Variants in ARHGEF7 observed in about 807,000 individuals in gnomAD.
ARHGEF7 encodes the protein Rho guanine nucleotide exchange factor 7.
ARHGEF7 carries 33 observed loss-of-function variants against 109.8 expected under a neutral mutation model. That is an observed-to-expected ratio of 0.30 (90% CI 0.23 to 0.40). The LOEUF is 0.40. ARHGEF7 is among the 10% of genes least tolerant of loss of function. ARHGEF7 has a pLI of 1.00. For missense variants in ARHGEF7, 938 were observed against 1,098.5 expected (o/e 0.85, Z 2.07); for synonymous variants, 458 against 424.6 (o/e 1.08, Z -0.97).
Position 111,221,345 on chromosome 13 carries a change from ATATATGTC to A in ARHGEF7, c.670+3471_670+3478del, listed in dbSNP as rs1386793404. Among the ~76,000 whole-genome samples the A allele has an allele frequency of 6.7e-5, 2 of 29,912 alleles. 1 individual carries two copies. The highest frequency in any genetic ancestry group is 2.3e-4 in the African/African-American group (2 of 8,614). 19.6% of individuals were successfully genotyped at this position (29,912 alleles called of 152,430 possible). A position where few individuals can be genotyped will look rare whatever the true frequency, so the allele number is the denominator to read the frequency against. On this transcript the variant is annotated intron_variant, in intron 5 of 21. Transcript: ENST00000646102. ...GATATATATGTCTATATATATCTAT[ATATATGTC>A]TATATATATATCTATATATATATCT...
intron 2 of ARHGEF7, among the ~76,000 whole-genome samples, chr13:111,168,504 T>G (rs1743671339): frequency 6.6e-6 from 1 of 152,176 alleles, no homozygotes; most frequent in Admixed American, 6.5e-5. Context: ...CTTGGAATAT[T>G]AACAGGGAAA....
In ARHGEF7 at chr13:111,239,867, T is replaced by C. The variant is rs1039689434; in HGVS notation, c.760-4005T>C. 1.3e-5 allele frequency among the ~76,000 whole-genome samples: 2 copies of C among 152,070 alleles called. No individual in the cohort carries two copies. The highest frequency in any genetic ancestry group is 4.8e-5 in the African/African-American group (2 of 41,394). On this transcript the variant is annotated intron_variant, in intron 6 of 21. Coordinates refer to ENST00000646102, the MANE Select transcript of ARHGEF7 (RefSeq NM_001354046.2). This position sits in a 1 kb window ranked among gnomAD's most constrained non-coding sequence, Gnocchi z 4.3. ...AGAGGAGCTCAGTGTTTGGGAGGATTGAGTGACTTAATTGCAAGAAAGGCT... is the reference window on the plus strand; with the variant it reads ...AGAGGAGCTCAGTGTTTGGGAGGATCGAGTGACTTAATTGCAAGAAAGGCT...
In ARHGEF7 at chr13:111,303,259, T is replaced by G. The variant is rs1377612620; in HGVS notation, c.*146T>G. 3 of 744,388 alleles carry G rather than the reference T, an allele frequency of 4.0e-6. No homozygotes were observed. The highest frequency in any genetic ancestry group is 3.5e-5 in the African/African-American group (2 of 56,442). The allele number at this position is 744,388 out of a possible 1,614,324, so 46.1% of individuals were successfully genotyped here. On this transcript the variant is annotated 3_prime_UTR_variant, in exon 22 of 22. Transcript: ENST00000646102. ...CTGTATATAGAAAAGCTGGAGCTTA[T>G]TCTGCGAATGGAGACGATCAAACCA...
At chr13:111,242,076 T>G (rs1189949631) in intron 6 of ARHGEF7, among the ~76,000 whole-genome samples, 1 of 152,094 alleles carries the variant, frequency 6.6e-6, no homozygotes, top group Non-Finnish European at 1.5e-5. Context: ...AGGAAGACAT[T>G]GTGGTTGTGG....
In ARHGEF7 at chr13:111,219,376, G is replaced by A. The variant is rs141912875; in HGVS notation, c.670+1496G>A. Among the ~76,000 whole-genome samples the A allele has an allele frequency of 5.8e-3, 881 of 152,306 alleles. 9 individuals are homozygous for A. Among genetic ancestry groups the A allele is most frequent in the African/African-American group, 0.02 (835 of 41,570 alleles). On this transcript the variant is annotated intron_variant, in intron 5 of 21. Transcript: ENST00000646102. Reference sequence around the variant, plus strand: ...CTGAATAATATTTCATCATATGTATGTACAACATTGTGTGTTGATGGGAAC... The same window carrying A: ...CTGAATAATATTTCATCATATGTATATACAACATTGTGTGTTGATGGGAAC...
chr13:111,157,912 T>A (rs751417043), intron 2 of ARHGEF7, among the ~76,000 whole-genome samples: 3 of 152,206 alleles, frequency 2.0e-5, no homozygotes, highest in Non-Finnish European at 2.9e-5. Flanking sequence ...GCAGGTGAAA[T>A]GTAACTGGCA....
intron 10 of ARHGEF7, 42 bp from the exon 11 acceptor site, chr13:111,274,689 T>A (rs1251222881): frequency 1.6e-6 from 2 of 1,286,904 alleles, no homozygotes; most frequent in Non-Finnish European, 2.1e-6. Flanking sequence ...TAAGAAAAGC[T>A]TTTCCTTATG....
At chr13:111,291,098 C>T (rs979692226) in intron 18 of ARHGEF7, among the ~76,000 whole-genome samples, 1 of 152,224 alleles carries the variant, frequency 6.6e-6, no homozygotes, top group African/African-American at 2.4e-5. Flanking sequence ...ATGTAGTTCT[C>T]GCAGTCTGAG....
chr13:111,190,055 C>T (rs1418918721), intron 2 of ARHGEF7, among the ~76,000 whole-genome samples: 1 of 152,110 alleles, frequency 6.6e-6, no homozygotes, highest in Admixed American at 6.5e-5. Context: ...TAGTGTCCTC[C>T]AGAGGAGAAC....
rs902789622 is a variant in ARHGEF7 at position 111,255,243 on chromosome 13, C to T, written c.950+10949C>T. 6.6e-6 allele frequency among the ~76,000 whole-genome samples: 1 copy of T among 152,228 alleles called. No individual in the cohort carries two copies. Among genetic ancestry groups the T allele is most frequent in the African/African-American group, 2.4e-5 (1 of 41,462 alleles). ...AGGCGCTGAGTTCCGTTTGGGGTTG[C>T]TGTGCATTTCAGTTGGAGATGTCAC... On this transcript the variant is annotated intron_variant, in intron 8 of 21. Transcript: ENST00000646102. The surrounding 1 kb of genome is among the most constrained non-coding windows in gnomAD (Gnocchi z 4.1).
chr13:111,175,384 C>T (rs1056721218), intron 2 of ARHGEF7, among the ~76,000 whole-genome samples: 11 of 152,204 alleles, frequency 7.2e-5, no homozygotes, highest in Admixed American at 1.3e-4. Context: ...GGTGAGAGAG[C>T]AGGGCTGCCC....
chr13:111,118,924 G>C (rs7337280), intron 1 of ARHGEF7, among the ~76,000 whole-genome samples: 1,689 of 152,260 alleles, frequency 0.011, 27 homozygotes, highest in African/African-American at 0.039. Flanking sequence ...CCCTGGCTAG[G>C]TGTTTGTGGA....
chr13:111,290,429 T>G (rs1328930252), intron 18 of ARHGEF7, among the ~76,000 whole-genome samples: 2 of 152,240 alleles, frequency 1.3e-5, no homozygotes, highest in East Asian at 3.8e-4. Flanking sequence ...TGGGAGGTTG[T>G]GTGTAGGTAC....
At chr13:111,163,531 G>T (rs957259054) in intron 2 of ARHGEF7, among the ~76,000 whole-genome samples, 6 of 152,062 alleles carry the variant, frequency 3.9e-5, no homozygotes, top group South Asian at 2.1e-4. Context: ...GTGAAGCAAA[G>T]TTAATTTTAG....
Position 111,115,624 on chromosome 13 carries a change from C to T in ARHGEF7, c.98C>T (p.Ala33Val), listed in dbSNP as rs374413130. 470 of 1,402,456 alleles carry T rather than the reference C, an allele frequency of 3.4e-4. No individual in the cohort carries two copies. Among genetic ancestry groups the T allele is most frequent in the South Asian group, 2.1e-3 (152 of 71,244 alleles). 86.9% of individuals were successfully genotyped at this position (1,402,456 alleles called of 1,614,324 possible). ...TCGGACCCGGAGGGCTTTCTGCAGG[C>T]GTCGCTGAAGGATGGGGTGGTCCTC... ...TISDPEGFLQASLKDGVVLCR... is the reference protein window; with the variant it reads ...TISDPEGFLQVSLKDGVVLCR... The change falls in exon 1 of 22, where the codon GCG (alanine) becomes GTG (valine). Residue 33 changes from alanine to valine, a missense_variant. Ala to Val is a moderately conservative substitution (Grantham distance 64, BLOSUM62 0). Coordinates refer to ENST00000646102, the MANE Select transcript of ARHGEF7 (RefSeq NM_001354046.2).
upstream of ARHGEF7, chr13:111,115,203 GCGGCGCGGGC>G (rs2066652256): frequency 6.8e-6 from 1 of 146,834 alleles, no homozygotes; most frequent in Non-Finnish European, 1.5e-5. Context: ...AGGGCGCGGG[GCGGCGCGGGC>G]CGGGCGCGGG....
chr13:111,280,132 G>T, intron 13 of ARHGEF7, 140 bp from the exon 14 acceptor site: 1 of 797,748 alleles, frequency 1.3e-6, no homozygotes, highest in Non-Finnish European at 2.0e-6. Context: ...ACACACATCT[G>T]CTACAAATGA....
intron 8 of ARHGEF7, among the ~76,000 whole-genome samples, chr13:111,253,823 C>T (rs568188580): frequency 3.5e-4 from 53 of 152,308 alleles, no homozygotes; most frequent in Middle Eastern, 3.4e-3. Context: ...GCTGCTTTGG[C>T]GATGTTCAGG....
At chr13:111,253,692 T>C (rs1404147992) in intron 8 of ARHGEF7, among the ~76,000 whole-genome samples, 1 of 152,220 alleles carries the variant, frequency 6.6e-6, no homozygotes, top group East Asian at 1.9e-4. Context: ...ACTACCACAC[T>C]AAGCTTGTTG....
Sources: gnomAD v4.1 joint callset for allele counts (sites outside exome capture counted in the v4.1 genomes callset) on GRCh38, gnomAD v4.1.1 for gene constraint, Gnocchi (gnomAD v3.1) non-coding constraint, MANE v1.5 for transcripts, NCBI Gene and HGNC (gene_info 2026-07-23, HGNC 2026-07-21) for gene names.